Variants in NARS2 observed in about 807,000 individuals in gnomAD.
The protein encoded by NARS2 is asparaginyl-tRNA synthetase.
In NARS2, 60 loss-of-function variants were observed where a neutral mutation model predicts 62.9. The ratio of observed to expected loss-of-function variants is 0.95; its 90% confidence interval spans 0.77 to 1.18. NARS2 has a LOEUF of 1.18. NARS2 is among the 50% of genes most tolerant of loss of function. NARS2 has a pLI of 0.00. For synonymous variants in NARS2, 196 were observed against 200.0 expected, an observed-to-expected ratio of 0.98 and a Z score of 0.17; for missense variants, 619 against 576.4, an observed-to-expected ratio of 1.07 and a Z score of -0.76.
At chr11:78,477,572 A>G (rs751915377) in intron 9 of NARS2, among the ~76,000 whole-genome samples, 7 of 152,208 alleles carry the variant, frequency 4.6e-5, no homozygotes, top group Non-Finnish European at 1.0e-4. Flanking sequence ...TTTTGTGTCA[A>G]CTTGGCTGCG....
At chr11:78,518,276 T>C (rs1860985958) in intron 6 of NARS2, among the ~76,000 whole-genome samples, 1 of 152,158 alleles carries the variant, frequency 6.6e-6, no homozygotes, top group African/African-American at 2.4e-5. Context: ...TCTGCAAGTT[T>C]TGGTATCTGG....
At chr11:78,531,384 A>T (rs1410801159) in intron 5 of NARS2, among the ~76,000 whole-genome samples, 2 of 152,234 alleles carry the variant, frequency 1.3e-5, no homozygotes, top group Non-Finnish European at 2.9e-5. Flanking sequence ...ATCTTCTTTG[A>T]TAACTATGGA....
Position 78,465,117 on chromosome 11 carries a change from C to T in NARS2, c.1164+759G>A, listed in dbSNP as rs187352476. ...GCTGCAGGTCCCGAGCCCTGCCCCA[C>T]GGGAAGGCAGCTAAGGCCTGGCAGG... On this transcript the variant is annotated intron_variant, in intron 11 of 13. Coordinates refer to ENST00000281038, the MANE Select transcript of NARS2 (RefSeq NM_024678.6). Among the ~76,000 whole-genome samples the T allele has an allele frequency of 6.3e-3, 962 of 152,334 alleles. 5 individuals carry two copies. The highest frequency in any genetic ancestry group is 0.021 in the African/African-American group (877 of 41,582).
intron 5 of NARS2, among the ~76,000 whole-genome samples, chr11:78,557,177 T>C (rs1277094837): frequency 6.6e-6 from 1 of 152,194 alleles, no homozygotes; most frequent in Admixed American, 6.5e-5. Flanking sequence ...TGCATGTTCT[T>C]ACTGTGTTTT....
At chr11:78,440,988 T>C in intron 13 of NARS2, 103 bp downstream of exon 13, 2 of 1,034,504 alleles carry the variant, frequency 1.9e-6, no homozygotes, top group Non-Finnish European at 2.9e-6. Context: ...GTTCATTGTT[T>C]TTAACACTCT....
At chr11:78,538,714 G>A (rs897220650) in intron 5 of NARS2, among the ~76,000 whole-genome samples, 2 of 152,094 alleles carry the variant, frequency 1.3e-5, no homozygotes, top group African/African-American at 2.4e-5. Flanking sequence ...GATGAGGTTA[G>A]GCCGGGCGCG....
intron 11 of NARS2, among the ~76,000 whole-genome samples, chr11:78,445,389 G>C (rs987488850): frequency 6.6e-6 from 1 of 152,220 alleles, no homozygotes; most frequent in Non-Finnish European, 1.5e-5. Flanking sequence ...GGGAGGCCGA[G>C]GTGGGCGGAT....
At chr11:78,456,508 T>C (rs1434498010) in intron 11 of NARS2, among the ~76,000 whole-genome samples, 1 of 152,192 alleles carries the variant, frequency 6.6e-6, no homozygotes, top group Non-Finnish European at 1.5e-5. Flanking sequence ...GCTCGAGCTA[T>C]TTTGATGCAG....
intron 7 of NARS2, among the ~76,000 whole-genome samples, chr11:78,484,521 A>G (rs1246487141): frequency 1.3e-5 from 2 of 152,214 alleles, no homozygotes; most frequent in Non-Finnish European, 2.9e-5. Flanking sequence ...AGAATCTACA[A>G]GGAACTTAAA....
At chr11:78,529,189 A>G (rs1861396806) in intron 5 of NARS2, among the ~76,000 whole-genome samples, 2 of 152,170 alleles carry the variant, frequency 1.3e-5, no homozygotes, top group Non-Finnish European at 2.9e-5. Context: ...TTTGTCACAA[A>G]ATATACTTCC....
At chr11:78,493,990 A>G (rs1282934863) in intron 6 of NARS2, among the ~76,000 whole-genome samples, 3 of 152,226 alleles carry the variant, frequency 2.0e-5, no homozygotes, top group African/African-American at 7.2e-5. Context: ...TCAGATACAT[A>G]TTGCAGTTCA....
intron 6 of NARS2, among the ~76,000 whole-genome samples, chr11:78,506,557 T>C (rs1447602215): frequency 3.3e-5 from 5 of 152,162 alleles, no homozygotes; most frequent in African/African-American, 1.2e-4. Context: ...TGTTTTGAGA[T>C]GGAGTCTCGC....
intron 5 of NARS2, among the ~76,000 whole-genome samples, chr11:78,552,457 C>T (rs555831680): frequency 2.0e-5 from 3 of 152,148 alleles, no homozygotes; most frequent in South Asian, 2.1e-4. Context: ...TGAACATTCA[C>T]GTGCATGTGT....
intron 6 of NARS2, among the ~76,000 whole-genome samples, chr11:78,513,818 A>G (rs757472811): frequency 1.3e-5 from 2 of 151,940 alleles, no homozygotes; most frequent in Non-Finnish European, 2.9e-5. Context: ...GAGTTGTAAT[A>G]CCCAATGCTG....
chr11:78,567,917 C>T (rs752090211), intron 3 of NARS2, among the ~76,000 whole-genome samples: 3 of 152,214 alleles, frequency 2.0e-5, no homozygotes, highest in Non-Finnish European at 2.9e-5. Flanking sequence ...ATCACTTCAT[C>T]TGGCTGGGCC....
At chr11:78,484,482 T>C (rs563241660) in intron 7 of NARS2, among the ~76,000 whole-genome samples, 1 of 152,090 alleles carries the variant, frequency 6.6e-6, no homozygotes, top group Admixed American at 6.5e-5. Flanking sequence ...ATTTTTGCAA[T>C]CTACCCGTCT....
chr11:78,461,160 G>C (rs908534212), intron 11 of NARS2, among the ~76,000 whole-genome samples: 4 of 152,156 alleles, frequency 2.6e-5, no homozygotes, highest in Non-Finnish European at 4.4e-5. Flanking sequence ...ATGTATATGA[G>C]TCTAGAGCTC....
intron 5 of NARS2, among the ~76,000 whole-genome samples, chr11:78,540,152 T>C (rs1855555778): frequency 6.6e-6 from 1 of 152,172 alleles, no homozygotes; most frequent in Non-Finnish European, 1.5e-5. Flanking sequence ...TGGAAGACAG[T>C]AAATAGCACA....
chr11:78,543,177 CA>C (rs1012809457), intron 5 of NARS2, among the ~76,000 whole-genome samples: 3 of 149,596 alleles, frequency 2.0e-5, no homozygotes, highest in Non-Finnish European at 4.5e-5. Flanking sequence ...AACTACGTGT[CA>C]AAAAAAAAGA....
Sources: allele counts gnomAD v4.1 joint callset (sites outside exome capture counted in the v4.1 genomes callset), GRCh38; gene constraint gnomAD v4.1.1; transcripts MANE v1.5; gene names NCBI Gene and HGNC (gene_info 2026-07-23, HGNC 2026-07-21).